Variants in MLLT10 observed in about 807,000 individuals in gnomAD.
MLLT10 encodes the protein protein AF-10.
In MLLT10, 30 loss-of-function variants were observed where a neutral mutation model predicts 129.1. The observed-to-expected ratio is 0.23, with a 90% CI of 0.17 to 0.32. MLLT10 has a LOEUF of 0.32. MLLT10 is among the 10% of genes least tolerant of loss of function. The pLI, the probability that MLLT10 is intolerant of heterozygous loss-of-function variation, is 1.00. For synonymous variants in MLLT10, 490 were observed against 446.4 expected, an observed-to-expected ratio of 1.10 and a Z score of -1.23; for missense variants, 1,119 against 1,268.3, an observed-to-expected ratio of 0.88 and a Z score of 1.79.
intron 13 of MLLT10, among the ~76,000 whole-genome samples, chr10:21,711,631 A>G (rs935350901): frequency 6.6e-6 from 1 of 150,828 alleles, no homozygotes; most frequent in Non-Finnish European, 1.5e-5. Context: ...CTGTGGTCCC[A>G]GCTACTTGGG....
At chr10:21,559,047 G>A (rs754499996) in intron 3 of MLLT10, among the ~76,000 whole-genome samples, 24 of 152,246 alleles carry the variant, frequency 1.6e-4, no homozygotes, top group Non-Finnish European at 2.9e-4. Flanking sequence ...TTTTGTTTGA[G>A]TTTGCATTGA....
At chr10:21,595,010 A>AT in intron 4 of MLLT10, among the ~76,000 whole-genome samples, 1 of 152,334 alleles carries the variant, frequency 6.6e-6, no homozygotes, top group Middle Eastern at 3.4e-3. Flanking sequence ...AACTCCTTTT[A>AT]TAGTGGTTCT....
intron 13 of MLLT10, among the ~76,000 whole-genome samples, chr10:21,685,371 G>A (rs545742840): frequency 6.6e-6 from 1 of 152,312 alleles, no homozygotes; most frequent in South Asian, 2.1e-4. Flanking sequence ...GTCTCACTCT[G>A]TTGCACAGGC....
Position 21,743,450 on chromosome 10 carries a change from T to C in MLLT10, c.*1467T>C, listed in dbSNP as rs189631905. ...AGGGGAATTTTAAAGTCAAATCTTTTGTAGATAATTTAAAAAATCAGTGTG... is the reference window on the plus strand; with the variant it reads ...AGGGGAATTTTAAAGTCAAATCTTTCGTAGATAATTTAAAAAATCAGTGTG... On this transcript the variant is annotated 3_prime_UTR_variant, in exon 23 of 23. Transcript: ENST00000307729. 73 of 192,194 alleles carry C rather than the reference T, an allele frequency of 3.8e-4. No homozygotes were observed. The highest frequency in any genetic ancestry group is 6.7e-4 in the Admixed American group (11 of 16,300). 11.9% of individuals were successfully genotyped at this position (192,194 alleles called of 1,614,324 possible).
chr10:21,661,050 A>G (rs950890662), intron 9 of MLLT10, among the ~76,000 whole-genome samples: 2 of 151,528 alleles, frequency 1.3e-5, no homozygotes, highest in African/African-American at 4.9e-5. Flanking sequence ...TCTTTTACTT[A>G]TATGTTGTTT....
At chr10:21,623,942 T>C (rs1268238493) in intron 8 of MLLT10, among the ~76,000 whole-genome samples, 1 of 152,166 alleles carries the variant, frequency 6.6e-6, no homozygotes, top group Non-Finnish European at 1.5e-5. Flanking sequence ...AATAGATTTT[T>C]TTAGTTTTAT....
At chr10:21,664,168 T>C (rs1348388256) in intron 9 of MLLT10, among the ~76,000 whole-genome samples, 3 of 152,188 alleles carry the variant, frequency 2.0e-5, no homozygotes, top group Non-Finnish European at 4.4e-5. Context: ...TTTAGAAATA[T>C]TTGGATATTC....
At chr10:21,734,709 C>G (rs987451783) in intron 20 of MLLT10, among the ~76,000 whole-genome samples, 1 of 152,126 alleles carries the variant, frequency 6.6e-6, no homozygotes, top group Admixed American at 6.5e-5. Flanking sequence ...AGCTCTCTTC[C>G]TTGGTGTTTA....
At chr10:21,550,464 A>G (rs568186260) in intron 3 of MLLT10, among the ~76,000 whole-genome samples, 5 of 152,100 alleles carry the variant, frequency 3.3e-5, no homozygotes, top group South Asian at 2.1e-4. Flanking sequence ...AGTCAGTCCT[A>G]CCCTCTAAGG....
chr10:21,535,760 AG>A (rs2033866155), intron 2 of MLLT10, among the ~76,000 whole-genome samples: 1 of 152,284 alleles, frequency 6.6e-6, no homozygotes, highest in African/African-American at 2.4e-5. Context: ...ATATGTTTTT[AG>A]TAGTCTGTTG....
intron 3 of MLLT10, among the ~76,000 whole-genome samples, chr10:21,558,909 C>G (rs899857268): frequency 2.0e-5 from 3 of 152,066 alleles, no homozygotes; most frequent in African/African-American, 7.2e-5. Context: ...ATACAAGATA[C>G]CAGAAAGAAT....
chr10:21,593,422 T>C (rs117551980), intron 4 of MLLT10, among the ~76,000 whole-genome samples: 6,255 of 152,272 alleles, frequency 0.041, 158 homozygotes, highest in Non-Finnish European at 0.06. Context: ...TCTGGAATTT[T>C]AATTTATTAT....
intron 14 of MLLT10, among the ~76,000 whole-genome samples, chr10:21,714,433 C>T (rs2056377885): frequency 6.6e-6 from 1 of 152,204 alleles, no homozygotes. Context: ...TGGGAGAGAA[C>T]AGTGTTTGTA....
rs796072804 is a variant in MLLT10 at position 21,689,660 on chromosome 10, TA to T, written c.1699+7404del. 3.2e-3 allele frequency among the ~76,000 whole-genome samples: 450 copies of T among 139,644 alleles called. 1 individual carries two copies. Among genetic ancestry groups the T allele is most frequent in the South Asian group, 4.8e-3 (22 of 4,598 alleles). The allele number at this position is 139,644 out of a possible 152,430, so 91.6% of individuals were successfully genotyped here. On this transcript the variant is annotated intron_variant, in intron 13 of 22. Transcript: ENST00000307729. ...ACACATTTATATATATATATATATA[TA>T]TTTTTTTTTTCTTGGCATGTTTTAC...
Position 21,613,905 on chromosome 10 carries a change from A to G in MLLT10, c.510-926A>G, listed in dbSNP as rs529968004. 2.0e-4 allele frequency among the ~76,000 whole-genome samples: 29 copies of G among 143,670 alleles called. No individual in the cohort carries two copies. The East Asian group carries it at 5.6e-3, about 28-fold the overall frequency. 94.3% of individuals were successfully genotyped at this position (143,670 alleles called of 152,430 possible). A position where few individuals can be genotyped will look rare whatever the true frequency, so the allele number is the denominator to read the frequency against. ...TGGGTGACAGAATGAGGCTCCATCT[A>G]AAAAAAAAAACAAAAAACAAACAAA... On this transcript the variant is annotated intron_variant, in intron 6 of 22. Transcript: ENST00000307729.
At chr10:21,730,577 C>T (rs1338351735) in intron 16 of MLLT10, among the ~76,000 whole-genome samples, 2 of 152,088 alleles carry the variant, frequency 1.3e-5, no homozygotes, top group African/African-American at 4.8e-5. Flanking sequence ...TTGTCTTTCC[C>T]TCTTTTGTCT....
At chr10:21,556,498 C>T in intron 3 of MLLT10, 1 of 617,028 alleles carries the variant, frequency 1.6e-6, no homozygotes, top group Non-Finnish European at 2.8e-6. Flanking sequence ...TCTTGTTTTT[C>T]TTCAGCTGCT....
intron 16 of MLLT10, among the ~76,000 whole-genome samples, chr10:21,729,815 T>C (rs1466889267): frequency 6.6e-6 from 1 of 152,220 alleles, no homozygotes; most frequent in Non-Finnish European, 1.5e-5. Flanking sequence ...GTTAGAATGA[T>C]AGCTGGAGAC....
At chr10:21,589,850 C>T (rs1205105467) in intron 4 of MLLT10, among the ~76,000 whole-genome samples, 15 of 152,126 alleles carry the variant, frequency 9.9e-5, no homozygotes, top group Non-Finnish European at 2.1e-4. Context: ...TTGATAAATT[C>T]GTTTTTTGGC....
Sources: gnomAD v4.1 joint callset for allele counts (sites outside exome capture counted in the v4.1 genomes callset) on GRCh38, gnomAD v4.1.1 for gene constraint, MANE v1.5 for transcripts, NCBI Gene and HGNC (gene_info 2026-07-23, HGNC 2026-07-21) for gene names.